Variants in SDAD1 observed in about 807,000 individuals in gnomAD.
SDAD1 encodes SDA1 domain containing 1, also known as protein SDA1 homolog.
In SDAD1, 79 loss-of-function variants were observed where a neutral mutation model predicts 100.3. That is an observed-to-expected ratio of 0.79 (90% confidence interval 0.66 to 0.95). The LOEUF (loss-of-function observed/expected upper bound fraction) is 0.95, where lower values mean the gene tolerates loss of function less well. SDAD1 is among the 40% of genes least tolerant of loss of function. SDAD1 has a pLI of 0.00. For missense variants in SDAD1, 790 were observed against 810.9 expected (o/e 0.97, Z 0.31); for synonymous variants, 267 against 271.4 (o/e 0.98, Z 0.16).
At chr4:75,967,858 A>G (rs1729636409) in intron 11 of SDAD1, among the ~76,000 whole-genome samples, 1 of 152,232 alleles carries the variant, frequency 6.6e-6, no homozygotes, top group Non-Finnish European at 1.5e-5. Flanking sequence ...TCTGTGCACC[A>G]TAATTCAGAG....
At chr4:75,971,134 C>T (rs2149320455) in intron 9 of SDAD1, among the ~76,000 whole-genome samples, 1 of 152,300 alleles carries the variant, frequency 6.6e-6, no homozygotes, top group Non-Finnish European at 1.5e-5. Context: ...TTGATCAGAA[C>T]AAGTAAAAAG....
chr4:75,956,186 A>G (rs749421773), intron 20 of SDAD1, 50 bp from the exon 21 acceptor site: 5 of 1,551,118 alleles, frequency 3.2e-6, no homozygotes, highest in Non-Finnish European at 4.3e-6. Context: ...ATACTTTAGG[A>G]GTCATCTAAT....
intron 21 of SDAD1, among the ~76,000 whole-genome samples, chr4:75,954,242 C>T (rs918025328): frequency 8.5e-5 from 13 of 152,104 alleles, no homozygotes; most frequent in Admixed American, 7.9e-4. Flanking sequence ...ATTAGCCAGG[C>T]GTGGTGGCGG....
At position 75,974,166 on chromosome 4, in the gene SDAD1, T is replaced by C. The variant is rs1245410947; in HGVS notation, c.579-33A>G. 2.5e-6 allele frequency: 4 copies of C among 1,570,372 alleles called. No individual in the cohort carries two copies. In the Admixed American group the frequency reaches 6.7e-5, roughly 26 times the overall value. On this transcript the variant is annotated intron_variant, in intron 6 of 21. Coordinates refer to ENST00000356260, the MANE Select transcript of SDAD1 (RefSeq NM_018115.4). ...AAGACAATGAATGCTTTGAAGTAAATTTTCATTCTACTGTATTTCATAGCA... is the reference window on the plus strand; with the variant it reads ...AAGACAATGAATGCTTTGAAGTAAACTTTCATTCTACTGTATTTCATAGCA...
intron 1 of SDAD1, among the ~76,000 whole-genome samples, chr4:75,988,932 C>G (rs1336749580): frequency 6.6e-6 from 1 of 152,144 alleles, no homozygotes; most frequent in Non-Finnish European, 1.5e-5. Context: ...CTTGGTTATT[C>G]TGAGATCCAT....
chr4:75,971,603 G>T, intron 8 of SDAD1, 145 bp from the exon 9 acceptor site: 1 of 626,620 alleles, frequency 1.6e-6, no homozygotes, highest in Non-Finnish European at 2.7e-6. Context: ...GGGCGCAGTG[G>T]CTCACGTCTG....
chr4:75,981,714 AAT>A lies in SDAD1; in HGVS notation c.195+217_195+218del, dbSNP rs1730528616. Among the ~76,000 whole-genome samples the A allele has an allele frequency of 2.0e-5, 3 of 152,204 alleles. No individual in the cohort carries two copies. The South Asian group carries it at 6.2e-4, about 32-fold the overall frequency. ...TTTTATGATGAATTTGAAGAAAAAA[AAT>A]AGTCTTAAAGTTTTGTCCTGGTTAG... On this transcript the variant is annotated intron_variant, in intron 2 of 21. Transcript: ENST00000356260.
intron 1 of SDAD1, among the ~76,000 whole-genome samples, chr4:75,986,462 C>T (rs1379214211): frequency 6.6e-6 from 1 of 152,152 alleles, no homozygotes; most frequent in Non-Finnish European, 1.5e-5. Flanking sequence ...TATAAGCAAT[C>T]TGAGGATAAT....
intron 10 of SDAD1, 111 bp downstream of exon 10, chr4:75,970,198 T>C (rs1314239096): frequency 9.6e-6 from 8 of 835,636 alleles, no homozygotes; most frequent in Non-Finnish European, 1.5e-5. Context: ...AAGCATTTAT[T>C]GACTATCTAC....
At chr4:75,985,176 C>T (rs1730816848) in intron 1 of SDAD1, among the ~76,000 whole-genome samples, 1 of 152,066 alleles carries the variant, frequency 6.6e-6, no homozygotes, top group Admixed American at 6.6e-5. Context: ...CTCATTACAC[C>T]CTTTATGTGC....
chr4:75,961,341 C>G, intron 14 of SDAD1, 33 bp from the exon 15 acceptor site: 1 of 1,489,042 alleles, frequency 6.7e-7, no homozygotes, highest in African/African-American at 1.4e-5. Flanking sequence ...TAAAAGAGCC[C>G]GAATAGCAAT....
intron 21 of SDAD1, among the ~76,000 whole-genome samples, chr4:75,955,154 TTA>T (rs1335537942): frequency 2.0e-5 from 3 of 152,224 alleles, no homozygotes; most frequent in South Asian, 4.1e-4. Context: ...TTGTAAATTC[TTA>T]TCTCTGTATA....
intron 1 of SDAD1, among the ~76,000 whole-genome samples, chr4:75,985,008 C>T (rs1296543381): frequency 6.6e-6 from 1 of 152,108 alleles, no homozygotes; most frequent in African/African-American, 2.4e-5. Flanking sequence ...TCAGATAGAA[C>T]CACTTCTCTC....
chr4:75,981,884 G>A (rs1423906829), intron 2 of SDAD1, 49 bp downstream of exon 2: 1 of 1,239,730 alleles, frequency 8.1e-7, no homozygotes, highest in South Asian at 1.3e-5. Flanking sequence ...AAAACATTCA[G>A]CAAACTGTGT....
chr4:75,982,338 T>C (rs1408494843), intron 1 of SDAD1, among the ~76,000 whole-genome samples: 1 of 152,212 alleles, frequency 6.6e-6, no homozygotes, highest in East Asian at 1.9e-4. Context: ...AGCCCTGTTC[T>C]GCCAGTTACT....
chr4:75,969,622 T>G (rs896128748), intron 10 of SDAD1, among the ~76,000 whole-genome samples: 1 of 152,206 alleles, frequency 6.6e-6, no homozygotes, highest in African/African-American at 2.4e-5. Context: ...CTTCACTTAA[T>G]AGCTCTCTAG....
intron 1 of SDAD1, among the ~76,000 whole-genome samples, chr4:75,986,464 G>A (rs1730900633): frequency 6.6e-6 from 1 of 152,126 alleles, no homozygotes; most frequent in Non-Finnish European, 1.5e-5. Context: ...TAAGCAATCT[G>A]AGGATAATTT....
intron 10 of SDAD1, among the ~76,000 whole-genome samples, chr4:75,969,611 G>C (rs1275950963): frequency 6.6e-6 from 1 of 152,114 alleles, no homozygotes; most frequent in Non-Finnish European, 1.5e-5. Context: ...ACAGGTGCTC[G>C]CTTCACTTAA....
intron 14 of SDAD1, among the ~76,000 whole-genome samples, chr4:75,963,663 TA>T (rs927672538): frequency 5.9e-5 from 9 of 152,194 alleles, no homozygotes; most frequent in African/African-American, 2.2e-4. Context: ...CAGTGAGTTA[TA>T]AAAAAGTGAG....
Sources: allele counts gnomAD v4.1 joint callset (sites outside exome capture counted in the v4.1 genomes callset), GRCh38; gene constraint gnomAD v4.1.1; transcripts MANE v1.5; gene names NCBI Gene and HGNC (gene_info 2026-07-23, HGNC 2026-07-21).